Variants in FLG observed in about 807,000 individuals in gnomAD.
FLG encodes filaggrin, also known as epidermal filaggrin.
Under a neutral mutation model 3.8 loss-of-function variants are expected in FLG, and 6 were observed. The ratio of observed to expected loss-of-function variants is 1.60; its 90% CI spans 0.87 to 3.15. The LOEUF (loss-of-function observed/expected upper bound fraction) is 3.15. FLG is among the 30% of genes most tolerant of loss of function. FLG has a pLI of 0.00. For synonymous variants in FLG, 2,551 were observed against 1,931.6 expected, an observed-to-expected ratio of 1.32 and a Z score of -8.41; for missense variants, 7,595 against 5,050.9, an observed-to-expected ratio of 1.50 and a Z score of -15.27.
Position 152,310,590 on chromosome 1 carries a change from C to A in FLG, c.4296G>T (p.Gly1432=). The change falls in exon 3 of 3, where the codon GGG becomes GGT. Residue 1432 remains glycine (G), a synonymous_variant. Transcript: ENST00000368799. ...SHKESARGQS[G]ESSGRSRSFL... is the part of the protein sequence containing the mutation. ...AAGACCTTGAACGTCCAGAGCTTTC[C>A]CCTGACTGGCCACGTGCGGACTCTT... The A allele has an allele frequency of 2.5e-6, 4 of 1,613,906 alleles. No individual in the cohort carries two copies. Among genetic ancestry groups the A allele is most frequent in the South Asian group, 1.1e-5 (1 of 91,060 alleles).
rs900526778 is a variant in FLG at position 152,312,758 on chromosome 1, A to T, written c.2128T>A (p.Ser710Thr). Residue 710 changes from serine to threonine, a missense_variant, in exon 3 of 3, where the codon TCC (serine) becomes ACC (threonine). Coordinates refer to ENST00000368799, the MANE Select transcript of FLG (RefSeq NM_002016.2). Reference sequence around the variant, plus strand: ...TCTGCTGACTGGAGCTGGTGGCGGGATCCATGTCTTTCTCCTGCACTTGAT... The same window carrying T: ...TCTGCTGACTGGAGCTGGTGGCGGGTTCCATGTCTTTCTCCTGCACTTGAT... ...ARSSAGERHG[S>T]RHQLQSADSS... 5 of 1,613,492 alleles carry T rather than the reference A, an allele frequency of 3.1e-6. No homozygotes were observed. The highest frequency in any genetic ancestry group is 4.2e-6 in the Non-Finnish European group (5 of 1,179,934).
rs142983961 is a variant in FLG at position 152,308,487 on chromosome 1, C to G, written c.6399G>C (p.Glu2133Asp). 76 of 1,613,654 alleles carry G rather than the reference C, an allele frequency of 4.7e-5. No homozygotes were observed. Among genetic ancestry groups the G allele is most frequent in the Middle Eastern group, 3.3e-4 (2 of 6,062 alleles). The change falls in exon 3 of 3, where the codon GAG becomes GAC. Residue 2133 changes from glutamate to aspartate, a missense_variant. Coordinates refer to ENST00000368799, the MANE Select transcript of FLG (RefSeq NM_002016.2). ...GGTGTCCACGAATGGTGTCCTGACC[C>G]TCTTGGGATGCTGAGTGCCTGGAGC... is the stretch of plus-strand genomic sequence containing the variant. ...QDSSRHSASQ[E>D]GQDTIRGHPG...
At position 152,307,868 on chromosome 1, in the gene FLG, T is replaced by A; in HGVS notation, c.7018A>T (p.Ser2340Cys). The A allele has an allele frequency of 6.2e-7, 1 of 1,613,172 alleles. No homozygotes were observed. Among genetic ancestry groups the A allele is most frequent in the Non-Finnish European group, 8.5e-7 (1 of 1,179,714 alleles). Residue 2340 changes from serine (S) to cysteine (C), a missense_variant, in exon 3 of 3, where the codon AGC becomes TGC. Coordinates refer to ENST00000368799, the MANE Select transcript of FLG (RefSeq NM_002016.2). ...TGCCCAATGCCTGAGTGTCTGGAGC[T>A]GTCTGCTGACTGCTGGTGGTGGGAT... ...HGSHHQQSAD[S>C]SRHSGIGHGQ... is the part of the protein sequence containing the mutation.
At position 152,309,014 on chromosome 1, in the gene FLG, C is replaced by G; in HGVS notation, c.5872G>C (p.Gly1958Arg). 6.2e-7 allele frequency: 1 copy of G among 1,614,060 alleles called. No homozygotes were observed. Among genetic ancestry groups the G allele is most frequent in the Non-Finnish European group, 8.5e-7 (1 of 1,179,950 alleles). Residue 1958 changes from glycine to arginine, a missense_variant, in exon 3 of 3, where the codon GGG becomes CGG. Physicochemically the swap from Gly to Arg is moderately radical, Grantham distance 125. Coordinates refer to ENST00000368799, the MANE Select transcript of FLG (RefSeq NM_002016.2). ...CCGGCTCTGTCTTCGTGATGGGACC[C>G]AGGGTGTCTGGAGCCATCTCTTGAC... ...EQSRDGSRHP[G>R]SHHEDRAGHG...
chr1:152,305,606 C>T lies in FLG; in HGVS notation c.9280G>A (p.Ala3094Thr). 1.3e-6 allele frequency: 2 copies of T among 1,498,014 alleles called. No homozygotes were observed. The highest frequency in any genetic ancestry group is 1.8e-6 in the Non-Finnish European group (2 of 1,128,156). The allele number at this position is 1,498,014 out of a possible 1,614,324, so 92.8% of individuals were successfully genotyped here. A position where few individuals can be genotyped will look rare whatever the true frequency, so the allele number is the denominator to read the frequency against. The stretch of plus-strand genomic sequence containing the variant: ...GCTGAGTGCCTGGAGCTGTCTTGTG[C>T]CTGCTCATGGCGGGATCCTTGTCTT... ...RGRQGSRHEQAQDSSRHSASQ... is the reference protein window; with the variant it reads ...RGRQGSRHEQTQDSSRHSASQ... The change falls in exon 3 of 3, where the codon GCA becomes ACA. Residue 3094 changes from alanine to threonine, a missense_variant. By Grantham distance (58) the Ala-to-Thr change is moderately conservative. Transcript: ENST00000368799.
intron 1 of FLG, among the ~76,000 whole-genome samples, chr1:152,321,804 A>G (rs1182663196): frequency 6.6e-6 from 1 of 151,246 alleles, no homozygotes; most frequent in Non-Finnish European, 1.5e-5. Flanking sequence ...CACCCATTTT[A>G]TTAATCCAAA....
chr1:152,310,580 C>G lies in FLG; in HGVS notation c.4306G>C (p.Gly1436Arg). 2 of 1,613,904 alleles carry G rather than the reference C, an allele frequency of 1.2e-6. No homozygotes were observed. The highest frequency in any genetic ancestry group is 2.7e-5 in the African/African-American group (2 of 74,956). The stretch of plus-strand genomic sequence containing the variant: ...TGGTAGAGGAAAGACCTTGAACGTC[C>G]AGAGCTTTCCCCTGACTGGCCACGT... Reference protein sequence around the residue: ...SARGQSGESSGRSRSFLYQVS... With the variant: ...SARGQSGESSRRSRSFLYQVS... The change falls in exon 3 of 3, where the codon GGA (glycine) becomes CGA (arginine). Residue 1436 changes from glycine (G) to arginine (R), a missense_variant. By Grantham distance (125) the Gly-to-Arg change is moderately radical. Transcript: ENST00000368799.
Position 152,309,901 on chromosome 1 carries a change from G to T in FLG, c.4985C>A (p.Ser1662Tyr). 2 of 1,614,140 alleles carry T rather than the reference G, an allele frequency of 1.2e-6. No individual in the cohort carries two copies. The highest frequency in any genetic ancestry group is 1.7e-6 in the Non-Finnish European group (2 of 1,180,042). The change falls in exon 3 of 3, where the codon TCT becomes TAT. Residue 1662 changes from serine to tyrosine, a missense_variant. Physicochemically the swap from Ser to Tyr is moderately radical, Grantham distance 144. Coordinates refer to ENST00000368799, the MANE Select transcript of FLG (RefSeq NM_002016.2). Reference protein sequence around the residue: ...QSGTRHAETSSGGQAASSQEQ... With the variant: ...QSGTRHAETSYGGQAASSQEQ... ...CTGGGATGATGCAGCCTGTCCACCA[G>T]AGGAAGTCTCTGCATGACGAGTGCC...
chr1:152,311,628 CACTG>C lies in FLG; in HGVS notation c.3254_3257del (p.Ser1085CysfsTer36), dbSNP rs41370446. The C allele has an allele frequency of 1.9e-6, 3 of 1,614,022 alleles. No individual in the cohort carries two copies. The highest frequency in any genetic ancestry group is 3.3e-5 in the Admixed American group (2 of 60,012). ...GGGGCCCATCCTGTCCATGGCCTGA[CACTG>C]ACTGTGTGTCTGACTCCTCTGAATG... On this transcript the variant is annotated frameshift_variant, in exon 3 of 3. Coordinates refer to ENST00000368799, the MANE Select transcript of FLG (RefSeq NM_002016.2). LOFTEE classifies it low-confidence loss of function (END_TRUNC).
chr1:152,303,742 C>A lies in FLG; in HGVS notation c.11144G>T (p.Ser3715Ile). ...GRSGSFLYQV[S>I]THEQSESAHG... ...GGCAGACTCAGACTGTTCATGAGTG[C>A]TCACCTGGTAGAGGAAAGACCCTGA... is the stretch of plus-strand genomic sequence containing the variant. Residue 3715 changes from serine to isoleucine, a missense_variant, in exon 3 of 3, where the codon AGC becomes ATC. By Grantham distance (142) the Ser-to-Ile change is moderately radical (BLOSUM62 -2). Coordinates refer to ENST00000368799, the MANE Select transcript of FLG (RefSeq NM_002016.2). 6.2e-7 allele frequency: 1 copy of A among 1,613,900 alleles called. No individual in the cohort carries two copies. Among genetic ancestry groups the A allele is most frequent in the Non-Finnish European group, 8.5e-7 (1 of 1,179,910 alleles).
rs755099094 is a variant in FLG, at chr1:152,310,378, G to A, written c.4508C>T (p.Ser1503Phe). The A allele has an allele frequency of 2.5e-6, 4 of 1,613,620 alleles. No individual in the cohort carries two copies. Among genetic ancestry groups the A allele is most frequent in the Non-Finnish European group, 3.4e-6 (4 of 1,179,988 alleles). ...CCTATCTACTGATTGCTCGTGGTAG[G>A]ATCCCTGCCTTCCTCCTCTGCTTGA... ...PGSSRGGRQGSYHEQSVDRSG... is the reference protein window; with the variant it reads ...PGSSRGGRQGFYHEQSVDRSG... The change falls in exon 3 of 3, where the codon TCC (serine) becomes TTC (phenylalanine). Residue 1503 changes from serine to phenylalanine, a missense_variant. Coordinates refer to ENST00000368799, the MANE Select transcript of FLG (RefSeq NM_002016.2).
At position 152,309,498 on chromosome 1, in the gene FLG, C is replaced by G. The variant is rs1231109246; in HGVS notation, c.5388G>C (p.Gln1796His). 1.2e-6 allele frequency: 2 copies of G among 1,613,860 alleles called. No homozygotes were observed. The highest frequency in any genetic ancestry group is 1.7e-5 in the Admixed American group (1 of 59,982). ...CTGAGTGCCTGGAGCTGTCTCGTGC[C>G]TGCTCGTGGCGGGATCTTTGTCTTC... is the stretch of plus-strand genomic sequence containing the variant. Reference protein sequence around the residue: ...TGGRQRSRHEQARDSSRHSAS... With the variant: ...TGGRQRSRHEHARDSSRHSAS... Residue 1796 changes from glutamine to histidine, a missense_variant, in exon 3 of 3, where the codon CAG (glutamine) becomes CAC (histidine). Transcript: ENST00000368799.
chr1:152,309,541 G>A lies in FLG; in HGVS notation c.5345C>T (p.Thr1782Ile), dbSNP rs1432164788. 1 of 1,613,888 alleles carries A rather than the reference G, an allele frequency of 6.2e-7. No homozygotes were observed. The highest frequency in any genetic ancestry group is 2.2e-5 in the East Asian group (1 of 44,810). ...HEQSESAHGR[T>I]GPSTGGRQRS... ...TTGTCTTCCTCCAGTGCTGGGCCCT[G>A]TGCGTCCATGGGCGGACTCAGACTG... is the stretch of plus-strand genomic sequence containing the variant. The change falls in exon 3 of 3, where the codon ACA becomes ATA. Residue 1782 changes from threonine (T) to isoleucine (I), a missense_variant. Coordinates refer to ENST00000368799, the MANE Select transcript of FLG (RefSeq NM_002016.2).
chr1:152,303,035 G>C lies in FLG; in HGVS notation c.11851C>G (p.His3951Asp), dbSNP rs770067056. The C allele has an allele frequency of 3.9e-5, 63 of 1,614,012 alleles. No individual in the cohort carries two copies. In the African/African-American group the frequency reaches 7.9e-4, roughly 20 times the overall value. ...HSGIQSRGSP[H>D]SSSSYHYQSE... is the part of the protein sequence containing the mutation. ...TGATAATGATAAGAACTAGAACTGT[G>C]AGGACTGCCACGTGACTGTATTCCT... The change falls in exon 3 of 3, where the codon CAC (histidine) becomes GAC (aspartate). Residue 3951 changes from histidine (H) to aspartate (D), a missense_variant. His to Asp is a moderately conservative substitution (Grantham distance 81, BLOSUM62 -1). Transcript: ENST00000368799.
At position 152,304,631 on chromosome 1, in the gene FLG, G is replaced by T. The variant is rs143418984; in HGVS notation, c.10255C>A (p.Arg3419=). The T allele has an allele frequency of 1.9e-6, 3 of 1,612,508 alleles. No individual in the cohort carries two copies. Among genetic ancestry groups the T allele is most frequent in the South Asian group, 1.1e-5 (1 of 90,862 alleles). ...GACGCTGAGTGCCTGGAGCTGTCTCGTGCCTGCTCGTGGTGGGATCCTTGT... is the reference window on the plus strand; with the variant it reads ...GACGCTGAGTGCCTGGAGCTGTCTCTTGCCTGCTCGTGGTGGGATCCTTGT... ...RRQGSHHEQA[R]DSSRHSASQE... The change falls in exon 3 of 3, where the codon CGA becomes AGA. Residue 3419 remains arginine, a synonymous_variant. Transcript: ENST00000368799.
Position 152,312,206 on chromosome 1 carries a change from TG to T in FLG, c.2679del (p.Ser893ArgfsTer229). 5.0e-6 allele frequency: 8 copies of T among 1,614,024 alleles called. No homozygotes were observed. Among genetic ancestry groups the T allele is most frequent in the Non-Finnish European group, 6.8e-6 (8 of 1,180,000 alleles). ...SRGQSGSRSA[S>X]RTTRNEEQSR... ...GATTGTTCCTCATTACGTGTTGTTC[TG>T]CTTGCACTTCTGGATCCTGACTGCC... On this transcript the variant is annotated frameshift_variant, in exon 3 of 3. Coordinates refer to ENST00000368799, the MANE Select transcript of FLG (RefSeq NM_002016.2). LOFTEE classifies it low-confidence loss of function (END_TRUNC).
At position 152,313,675 on chromosome 1, in the gene FLG, T is replaced by G; in HGVS notation, c.1211A>C (p.Gln404Pro). ...ACGATCGCTGACTGCAGATGAAGCTTGCCCGCGCCCAGTGGCTGAGTGTCT... is the reference window on the plus strand; with the variant it reads ...ACGATCGCTGACTGCAGATGAAGCTGGCCCGCGCCCAGTGGCTGAGTGTCT... Reference protein sequence around the residue: ...SSRHSATGRGQASSAVSDRGH... With the variant: ...SSRHSATGRGPASSAVSDRGH... Residue 404 changes from glutamine to proline, a missense_variant, in exon 3 of 3, where the codon CAA (glutamine) becomes CCA (proline). Transcript: ENST00000368799. 1 of 1,613,964 alleles carries G rather than the reference T, an allele frequency of 6.2e-7. No individual in the cohort carries two copies. The highest frequency in any genetic ancestry group is 8.5e-7 in the Non-Finnish European group (1 of 1,179,976).
intron 1 of FLG, among the ~76,000 whole-genome samples, chr1:152,318,213 T>C (rs748560223): frequency 8.8e-4 from 134 of 152,082 alleles, no homozygotes; most frequent in Non-Finnish European, 1.4e-3. Context: ...CTTTCTCTCT[T>C]AAAATGTTTA....
rs778876243 is a variant in FLG at position 152,307,396 on chromosome 1, G to A, written c.7490C>T (p.Ser2497Phe). ...ATGGGAGGCATCAGACCTTCCCTGG[G>A]ATGTGGTGTGGCTGTGATGAGACCC... ...HSGSHHSHTT[S>F]QGRSDASHGH... is the part of the protein sequence containing the mutation. The change falls in exon 3 of 3, where the codon TCC (serine) becomes TTC (phenylalanine). Residue 2497 changes from serine (S) to phenylalanine (F), a missense_variant. Coordinates refer to ENST00000368799, the MANE Select transcript of FLG (RefSeq NM_002016.2). 6 of 1,613,166 alleles carry A rather than the reference G, an allele frequency of 3.7e-6. 1 individual carries two copies. The highest frequency in any genetic ancestry group is 1.7e-5 in the Admixed American group (1 of 59,902).
Sources: allele counts gnomAD v4.1 joint callset (sites outside exome capture counted in the v4.1 genomes callset), GRCh38; gene constraint gnomAD v4.1.1; transcripts MANE v1.5; gene names NCBI Gene and HGNC (gene_info 2026-07-23, HGNC 2026-07-21).